Variants in FAP observed in about 807,000 individuals in gnomAD.
FAP encodes the protein prolyl endopeptidase FAP.
Under a neutral mutation model 126.5 loss-of-function variants are expected in FAP, and 110 were observed. That is an observed-to-expected ratio of 0.87 (90% CI 0.74 to 1.02). The LOEUF (loss-of-function observed/expected upper bound fraction) is 1.02. Ranked by LOEUF, FAP falls within the 50% of genes least tolerant of loss-of-function variation. The probability of loss-of-function intolerance (pLI) is 0.00; values close to 1 mark genes in which losing one functional copy is unlikely to be tolerated. For synonymous variants in FAP, 334 were observed against 297.3 expected, an observed-to-expected ratio of 1.12 and a Z score of -1.27; for missense variants, 919 against 909.2, an observed-to-expected ratio of 1.01 and a Z score of -0.14.
At position 162,198,807 on chromosome 2, in the gene FAP, T is replaced by A; in HGVS notation, c.1352A>T (p.Tyr451Phe). The A allele has an allele frequency of 6.2e-7, 1 of 1,614,152 alleles. No individual in the cohort carries two copies. The highest frequency in any genetic ancestry group is 8.5e-7 in the Non-Finnish European group (1 of 1,179,968). ...GGCGTAGTCGCTGAAACTTGCTGTG[T>A]AATATTGGCACCTTTCTTTCCTTAG... ...CHLRKERCQY[Y>F]TASFSDYAKY... Residue 451 changes from tyrosine (Y) to phenylalanine (F), a missense_variant, in exon 16 of 26, where the codon TAC (tyrosine) becomes TTC (phenylalanine). By Grantham distance (22) the Tyr-to-Phe change is conservative. Transcript: ENST00000188790.
rs558360259 is a variant in FAP at position 162,221,959 on chromosome 2, C to A, written c.413+1649G>T. Among the ~76,000 whole-genome samples, 4 of 150,438 alleles carry A rather than the reference C, an allele frequency of 2.7e-5. No individual in the cohort carries two copies. The South Asian group carries it at 6.3e-4, about 24-fold the overall frequency. On this transcript the variant is annotated intron_variant, in intron 6 of 25. Transcript: ENST00000188790. The stretch of plus-strand genomic sequence containing the variant: ...AAATTATGCTGTATTTACCTGACCA[C>A]CCCCCCACCAAAAAATCTGAAATAC...
At chr2:162,200,694 A>C (rs1281595492) in intron 14 of FAP, 75 bp from the exon 15 acceptor site, 2 of 666,398 alleles carry the variant, frequency 3.0e-6, no homozygotes, top group African/African-American at 3.8e-5. Context: ...ATACTAATAT[A>C]GTATCAATAT....
intron 20 of FAP, among the ~76,000 whole-genome samples, chr2:162,184,725 A>G (rs945422846): frequency 1.3e-5 from 2 of 152,168 alleles, no homozygotes; most frequent in Non-Finnish European, 2.9e-5. Flanking sequence ...CAATTCTTGC[A>G]CAAACTTCAA....
At chr2:162,219,318 T>A in intron 7 of FAP, 135 bp from the exon 8 acceptor site, 1 of 786,404 alleles carries the variant, frequency 1.3e-6, no homozygotes. Context: ...AATACCATTT[T>A]AATAGGTCAA....
At chr2:162,203,176 A>C in intron 12 of FAP, 31 bp from the exon 13 acceptor site, 3 of 1,418,726 alleles carry the variant, frequency 2.1e-6, no homozygotes, top group Non-Finnish European at 3.0e-6. Flanking sequence ...TTATGTTCAA[A>C]AGACAAACCA....
chr2:162,192,210 G>A (rs948130095), intron 17 of FAP, among the ~76,000 whole-genome samples: 6 of 152,018 alleles, frequency 3.9e-5, no homozygotes, highest in Non-Finnish European at 8.8e-5. Context: ...ACTTACTTAT[G>A]CAGACCTAAT....
rs775231112 is a variant in FAP, at chr2:162,216,049, CCAA to C, written c.763-51_763-49del. 5 of 1,361,614 alleles carry C rather than the reference CCAA, an allele frequency of 3.7e-6. No homozygotes were observed. The Admixed American group carries it at 5.4e-5, about 15-fold the overall frequency. The allele number at this position is 1,361,614 out of a possible 1,614,324, so 84.3% of individuals were successfully genotyped here. On this transcript the variant is annotated intron_variant, in intron 9 of 25. Transcript: ENST00000188790. ...TAAGCTCATAAAATTCCAATTATCACCAACATTTTAAAGAAACTTTAGGAATTT... is the reference window on the plus strand; with the variant it reads ...TAAGCTCATAAAATTCCAATTATCACCATTTTAAAGAAACTTTAGGAATTT...
intron 17 of FAP, among the ~76,000 whole-genome samples, chr2:162,191,592 T>C (rs1394139328): frequency 2.6e-5 from 4 of 152,154 alleles, no homozygotes; most frequent in African/African-American, 9.7e-5. Flanking sequence ...ATTTGTAGGC[T>C]CTTCATTGTG....
intron 21 of FAP, chr2:162,176,260 C>T (rs1687478938): frequency 6.6e-6 from 1 of 152,074 alleles, no homozygotes; most frequent in African/African-American, 2.4e-5. Context: ...GGAGAATCAG[C>T]TAAATAATCT....
At chr2:162,203,789 A>T (rs1462345300) in intron 12 of FAP, among the ~76,000 whole-genome samples, 3 of 152,200 alleles carry the variant, frequency 2.0e-5, no homozygotes, top group Admixed American at 2.0e-4. Flanking sequence ...CTGGGAACCA[A>T]TTAACTACCT....
chr2:162,222,896 C>T lies in FAP; in HGVS notation c.413+712G>A, dbSNP rs377188344. On this transcript the variant is annotated intron_variant, in intron 6 of 25. Coordinates refer to ENST00000188790, the MANE Select transcript of FAP (RefSeq NM_004460.5). ...ATTGACCTACTTTGCATTTCTCAAACGCACAATGCTCTCCCTCCCCATTTT... is the reference window on the plus strand; with the variant it reads ...ATTGACCTACTTTGCATTTCTCAAATGCACAATGCTCTCCCTCCCCATTTT... Among the ~76,000 whole-genome samples, 26 of 152,298 alleles carry T rather than the reference C, an allele frequency of 1.7e-4. 1 individual carries two copies. Among genetic ancestry groups the T allele is most frequent in the African/African-American group, 5.5e-4 (23 of 41,574 alleles).
At position 162,201,438 on chromosome 2, in the gene FAP, C is replaced by A. The variant is rs572789022; in HGVS notation, c.1224-819G>T. Among the ~76,000 whole-genome samples, 9 of 152,268 alleles carry A rather than the reference C, an allele frequency of 5.9e-5. No individual in the cohort carries two copies. In the East Asian group the frequency reaches 1.2e-3, roughly 20 times the overall value. On this transcript the variant is annotated intron_variant, in intron 14 of 25. Transcript: ENST00000188790. Reference sequence around the variant, plus strand: ...CCTAAACTAACACCTTTCTATGCATCTTTATAACTTTGCATGACTCCCATC... The same window carrying A: ...CCTAAACTAACACCTTTCTATGCATATTTATAACTTTGCATGACTCCCATC...
Position 162,242,976 on chromosome 2 carries a change from AC to A in FAP, c.22del (p.Val8TyrfsTer14). ...CACAGCAGAGGTGGCAACTCCAAAT[AC>A]GATTTTTACCCAAGTCTACATAAAA... is the stretch of plus-strand genomic sequence containing the variant. MKTWVKI[V>X]FGVATSAVLA... On this transcript the variant is annotated frameshift_variant, in exon 2 of 26. Transcript: ENST00000188790. LOFTEE classifies it high-confidence loss of function. 6.2e-7 allele frequency: 1 copy of A among 1,612,478 alleles called. No homozygotes were observed. Among genetic ancestry groups the A allele is most frequent in the Non-Finnish European group, 8.5e-7 (1 of 1,178,984 alleles).
chr2:162,206,765 C>T (rs1216144338), intron 12 of FAP, among the ~76,000 whole-genome samples: 2 of 151,802 alleles, frequency 1.3e-5, no homozygotes, highest in African/African-American at 4.8e-5. Flanking sequence ...TGATTAATAC[C>T]AAAAAAGAAG....
chr2:162,201,251 C>G (rs1332710821), intron 14 of FAP, among the ~76,000 whole-genome samples: 1 of 152,070 alleles, frequency 6.6e-6, no homozygotes, highest in African/African-American at 2.4e-5. Flanking sequence ...ATTTTTCCCC[C>G]ACGAATGTGA....
At chr2:162,214,105 C>T (rs1027358249) in intron 10 of FAP, 32 bp from the exon 11 acceptor site, 1 of 1,608,134 alleles carries the variant, frequency 6.2e-7, no homozygotes, top group African/African-American at 1.3e-5. Context: ...GTAGTCACAA[C>T]CATAAACCAG....
chr2:162,198,647 A>C, intron 16 of FAP, 110 bp downstream of exon 16: 1 of 1,275,524 alleles, frequency 7.8e-7, no homozygotes, highest in Non-Finnish European at 1.1e-6. Flanking sequence ...TAAGATTCTT[A>C]CATATAACAA....
intron 21 of FAP, chr2:162,176,495 A>G (rs982210188): frequency 1.3e-5 from 2 of 152,138 alleles, no homozygotes; most frequent in African/African-American, 2.4e-5. Flanking sequence ...GGGTTTGAAA[A>G]TCCTTATTGC....
At chr2:162,190,853 T>A (rs1688018122) in intron 17 of FAP, among the ~76,000 whole-genome samples, 1 of 152,098 alleles carries the variant, frequency 6.6e-6, no homozygotes, top group African/African-American at 2.4e-5. Context: ...AACTCTCAGT[T>A]TTCATATACT....
Sources: allele counts gnomAD v4.1 joint callset (sites outside exome capture counted in the v4.1 genomes callset), GRCh38; gene constraint gnomAD v4.1.1; transcripts MANE v1.5; gene names NCBI Gene and HGNC (gene_info 2026-07-23, HGNC 2026-07-21).